The following THSD7A variants were observed in gnomAD, a reference collection of about 807,000 sequenced individuals.
THSD7A encodes the protein thrombospondin type 1 domain containing 7A, also known as thrombospondin type-1 domain-containing protein 7A.
Under a neutral mutation model 231.3 loss-of-function variants are expected in THSD7A, and 96 were observed. That is an observed-to-expected ratio of 0.41 (90% confidence interval 0.35 to 0.49). The LOEUF (loss-of-function observed/expected upper bound fraction) is 0.49, where lower values mean the gene tolerates loss of function less well. Among genes scored for constraint, THSD7A ranks in the 20% least tolerant of loss-of-function variants. The pLI, the probability that THSD7A is intolerant of heterozygous loss-of-function variation, is 0.05. For synonymous variants in THSD7A, 940 were observed against 743.3 expected, an observed-to-expected ratio of 1.26 and a Z score of -4.30; for missense variants, 2,290 against 2,070.2, an observed-to-expected ratio of 1.11 and a Z score of -2.06.
chr7:11,511,964 C>T (rs992681246), intron 6 of THSD7A, among the ~76,000 whole-genome samples: 6 of 152,118 alleles, frequency 3.9e-5, no homozygotes, highest in Admixed American at 1.3e-4. Context: ...AGCTTCTGCA[C>T]AGCAAAAGCA....
intron 14 of THSD7A, among the ~76,000 whole-genome samples, chr7:11,428,583 T>C (rs988700282): frequency 3.9e-5 from 6 of 152,208 alleles, no homozygotes; most frequent in Non-Finnish European, 8.8e-5. Flanking sequence ...CATTTGGTAA[T>C]TGAGATGTCT....
intron 2 of THSD7A, among the ~76,000 whole-genome samples, chr7:11,607,756 C>A (rs910775114): frequency 2.6e-5 from 4 of 152,086 alleles, no homozygotes; most frequent in Non-Finnish European, 5.9e-5. Flanking sequence ...AGGCAAAATG[C>A]ACTCATGTTA....
At chr7:11,400,167 CGGGGGAG>C (rs1783347681) in intron 23 of THSD7A, among the ~76,000 whole-genome samples, 2 of 102,132 alleles carry the variant, frequency 2.0e-5, no homozygotes, top group African/African-American at 7.7e-5. Flanking sequence ...GTTATGGGGT[CGGGGGAG>C]GGGGGAGGGA....
intron 1 of THSD7A, among the ~76,000 whole-genome samples, chr7:11,692,474 A>T (rs1391190116): frequency 6.6e-6 from 1 of 151,596 alleles, no homozygotes; most frequent in African/African-American, 2.4e-5. Flanking sequence ...TTAACAACCG[A>T]ATTTTAAAAA....
chr7:11,671,128 C>G (rs1783375173), intron 1 of THSD7A, among the ~76,000 whole-genome samples: 1 of 152,136 alleles, frequency 6.6e-6, no homozygotes, highest in South Asian at 2.1e-4. Flanking sequence ...ATTAATAGAC[C>G]TTCAAGGGTA....
intron 6 of THSD7A, among the ~76,000 whole-genome samples, chr7:11,540,974 G>A (rs958423886): frequency 1.3e-5 from 2 of 152,038 alleles, no homozygotes; most frequent in South Asian, 2.1e-4. Flanking sequence ...ACTAAGACAC[G>A]ATATCAGGGA....
At chr7:11,797,798 C>T (rs1178660517) in intron 1 of THSD7A, among the ~76,000 whole-genome samples, 1 of 152,062 alleles carries the variant, frequency 6.6e-6, no homozygotes, top group East Asian at 1.9e-4. Context: ...AAATAAAAAT[C>T]TGACATCATT....
intron 1 of THSD7A, among the ~76,000 whole-genome samples, chr7:11,756,290 C>G (rs1322345912): frequency 2.0e-5 from 3 of 152,010 alleles, no homozygotes; most frequent in Non-Finnish European, 4.4e-5. Context: ...GATGACCAAA[C>G]ATTTTGGAAG....
intron 6 of THSD7A, among the ~76,000 whole-genome samples, chr7:11,523,028 C>A (rs1164712152): frequency 6.6e-6 from 1 of 152,096 alleles, no homozygotes; most frequent in African/African-American, 2.4e-5. Context: ...AGTATGTCCA[C>A]ACTACAAAGT....
Position 11,636,974 on chromosome 7 carries a change from T to G in THSD7A, c.191-13A>C, listed in dbSNP as rs1416028343. On this transcript the variant is annotated splice_polypyrimidine_tract_variant and intron_variant, in intron 1 of 27. Transcript: ENST00000423059. The surrounding 1 kb of genome is among the most constrained non-coding windows in gnomAD (Gnocchi z 10.0). Reference sequence around the variant, plus strand: ...CGGCCCCATGGACCTACAAAAATTATAACACAAAAATTAGCAGTGCTACTA... The same window carrying G: ...CGGCCCCATGGACCTACAAAAATTAGAACACAAAAATTAGCAGTGCTACTA... The G allele has an allele frequency of 1.3e-6, 2 of 1,587,558 alleles. No individual in the cohort carries two copies. Among genetic ancestry groups the G allele is most frequent in the African/African-American group, 2.7e-5 (2 of 74,158 alleles).
At chr7:11,479,745 A>G (rs1355704786) in intron 7 of THSD7A, among the ~76,000 whole-genome samples, 1 of 152,198 alleles carries the variant, frequency 6.6e-6, no homozygotes, top group Non-Finnish European at 1.5e-5. Flanking sequence ...GTGTCCACTA[A>G]TAGGTACTAA....
At chr7:11,600,819 G>C (rs1780525805) in intron 2 of THSD7A, among the ~76,000 whole-genome samples, 1 of 152,188 alleles carries the variant, frequency 6.6e-6, no homozygotes, top group Non-Finnish European at 1.5e-5. Context: ...ACTGGCATAT[G>C]TATGAAAATT....
intron 8 of THSD7A, among the ~76,000 whole-genome samples, chr7:11,473,106 C>A (rs1377448994): frequency 3.3e-5 from 5 of 152,162 alleles, no homozygotes; most frequent in African/African-American, 1.2e-4. Context: ...TCAAATCTCA[C>A]TGGCATGTCT....
rs377112108 is a variant in THSD7A, at chr7:11,812,140, T to TGTGTGTGTGTGTGTGTGTGTGTGTGA, written c.190+19616_190+19617insTCACACACACACACACACACACACAC. 5.4e-5 allele frequency among the ~76,000 whole-genome samples: 8 copies of TGTGTGTGTGTGTGTGTGTGTGTGTGA among 147,014 alleles called. 1 individual carries two copies. The highest frequency in any genetic ancestry group is 2.1e-4 in the African/African-American group (8 of 38,324). ...GTGTGTGTGTGTGTGTGTGTGTGTG[T>TGTGTGTGTGTGTGTGTGTGTGTGTGA]GGGAGACAGAGAGAGAGATATGGGG... On this transcript the variant is annotated intron_variant, in intron 1 of 27. Transcript: ENST00000423059.
chr7:11,771,997 T>C, intron 1 of THSD7A, among the ~76,000 whole-genome samples: 1 of 152,186 alleles, frequency 6.6e-6, no homozygotes. Flanking sequence ...CTCTCAGAAG[T>C]GAAGCAGGTG....
chr7:11,619,001 A>G (rs1380875123), intron 2 of THSD7A, among the ~76,000 whole-genome samples: 1 of 152,062 alleles, frequency 6.6e-6, no homozygotes, highest in Non-Finnish European at 1.5e-5. Context: ...ATAGTAATAC[A>G]TAAAATTTAA....
chr7:11,803,041 G>A (rs2128182021), intron 1 of THSD7A, among the ~76,000 whole-genome samples: 1 of 152,236 alleles, frequency 6.6e-6, no homozygotes, highest in East Asian at 1.9e-4. Context: ...GAGGTGGATG[G>A]AGCCAAGGGC....
intron 2 of THSD7A, among the ~76,000 whole-genome samples, chr7:11,600,584 G>T (rs1422930175): frequency 6.6e-6 from 1 of 152,104 alleles, no homozygotes; most frequent in African/African-American, 2.4e-5. Context: ...GAAATTGGAT[G>T]GACTTGTGTT....
Position 11,382,616 on chromosome 7 carries a change from T to C in THSD7A, c.4412A>G (p.Asp1471Gly), listed in dbSNP as rs771066570. 6.2e-7 allele frequency: 1 copy of C among 1,610,712 alleles called. No homozygotes were observed. The highest frequency in any genetic ancestry group is 8.5e-7 in the Non-Finnish European group (1 of 1,177,556). The change falls in exon 24 of 28, where the codon GAT (aspartate) becomes GGT (glycine). Residue 1471 changes from aspartate (D) to glycine (G), a missense_variant and splice_region_variant. Physicochemically the swap from Asp to Gly is moderately conservative, Grantham distance 94 (BLOSUM62 -1). Transcript: ENST00000423059. ...EQMLETKSCY[D>G]GQCYEYKWMA... ...CCATTTATATTCATAGCACTGTCCA[T>C]CTGCAGGGAAATAATAAACATTAGC...
Sources: allele counts gnomAD v4.1 joint callset (sites outside exome capture counted in the v4.1 genomes callset), GRCh38; gene constraint gnomAD v4.1.1; non-coding constraint Gnocchi (gnomAD v3.1); transcripts MANE v1.5; gene names NCBI Gene and HGNC (gene_info 2026-07-23, HGNC 2026-07-21).